RFX3: variants seen among roughly 807,000 people sequenced by gnomAD.
RFX3 encodes the protein transcription factor RFX3.
A neutral mutation model predicts 98.6 loss-of-function variants in RFX3; 14 were observed. That is an observed-to-expected ratio of 0.14 (90% CI 0.09 to 0.22). The LOEUF (loss-of-function observed/expected upper bound fraction) is 0.22, where lower values mean the gene tolerates loss of function less well. Among genes scored for constraint, RFX3 ranks in the 10% least tolerant of loss-of-function variants. RFX3 has a pLI of 1.00. For missense variants in RFX3, 639 were observed against 926.9 expected (o/e 0.69, Z 4.03); for synonymous variants, 383 against 328.4 (o/e 1.17, Z -1.80).
intron 3 of RFX3, among the ~76,000 whole-genome samples, chr9:3,336,201 G>GT (rs2130972551): frequency 6.6e-6 from 1 of 151,960 alleles, no homozygotes; most frequent in East Asian, 1.9e-4. Context: ...TCTCACATGG[G>GT]TACAACATTT....
intron 1 of RFX3, among the ~76,000 whole-genome samples, chr9:3,405,707 C>A (rs1841897018): frequency 6.6e-6 from 1 of 152,110 alleles, no homozygotes; most frequent in Non-Finnish European, 1.5e-5. Context: ...ATTACTGAGT[C>A]TGCTTCCTAA....
chr9:3,423,522 C>T (rs1212374075), intron 1 of RFX3, among the ~76,000 whole-genome samples: 1 of 151,826 alleles, frequency 6.6e-6, no homozygotes, highest in Non-Finnish European at 1.5e-5. Context: ...CAAAAGAAAC[C>T]AGACACAAGA....
chr9:3,434,998 T>C (rs552402786), intron 1 of RFX3, among the ~76,000 whole-genome samples: 1 of 151,944 alleles, frequency 6.6e-6, no homozygotes, highest in South Asian at 2.1e-4. Context: ...AGTACTTACA[T>C]ATCTAAACAT....
chr9:3,414,962 A>G (rs1388745969), intron 1 of RFX3, among the ~76,000 whole-genome samples: 1 of 137,556 alleles, frequency 7.3e-6, no homozygotes, highest in Admixed American at 7.6e-5. Context: ...GTGTGTGTAT[A>G]TATTCATATA....
intron 2 of RFX3, among the ~76,000 whole-genome samples, chr9:3,391,717 C>T (rs909072501): frequency 2.0e-5 from 3 of 152,104 alleles, no homozygotes; most frequent in African/African-American, 7.2e-5. Context: ...GCTAGTGACA[C>T]TGATTTTCCA....
chr9:3,267,450 G>T (rs1823792551), intron 11 of RFX3, among the ~76,000 whole-genome samples: 1 of 151,804 alleles, frequency 6.6e-6, no homozygotes. Context: ...GTTAAAACCA[G>T]GTTTTATAAA....
intron 2 of RFX3, among the ~76,000 whole-genome samples, chr9:3,364,065 G>A (rs1021828782): frequency 2.6e-5 from 4 of 152,096 alleles, no homozygotes; most frequent in Non-Finnish European, 4.4e-5. Context: ...TAGTAGAGAC[G>A]GGGTTTCACC....
chr9:3,461,979 T>C (rs1405647637), intron 1 of RFX3, among the ~76,000 whole-genome samples: 1 of 152,052 alleles, frequency 6.6e-6, no homozygotes, highest in East Asian at 1.9e-4. Flanking sequence ...AATAAGTTGT[T>C]TGAGTGCCAC....
At chr9:3,510,116 T>G (rs1425855478) in intron 1 of RFX3, among the ~76,000 whole-genome samples, 4 of 152,050 alleles carry the variant, frequency 2.6e-5, no homozygotes, top group Non-Finnish European at 5.9e-5. Context: ...TGTAGTCCCA[T>G]GGCTGTCTCT....
At chr9:3,276,525 C>A (rs2131409607) in intron 8 of RFX3, among the ~76,000 whole-genome samples, 1 of 152,160 alleles carries the variant, frequency 6.6e-6, no homozygotes, top group Middle Eastern at 3.4e-3. Flanking sequence ...AAATAAAATT[C>A]TTGTTGAATG....
intron 1 of RFX3, among the ~76,000 whole-genome samples, chr9:3,449,914 A>AAATT (rs1342079309): frequency 6.6e-6 from 1 of 152,012 alleles, no homozygotes; most frequent in Non-Finnish European, 1.5e-5. Context: ...AAGACACAGA[A>AAATT]AATTAAAATA....
At chr9:3,249,136 A>G (rs931955397) in intron 14 of RFX3, among the ~76,000 whole-genome samples, 1 of 152,150 alleles carries the variant, frequency 6.6e-6, no homozygotes, top group Non-Finnish European at 1.5e-5. Flanking sequence ...TTGTATTCTC[A>G]GGAGAAAGAG....
At chr9:3,475,002 G>A (rs1380661461) in intron 1 of RFX3, among the ~76,000 whole-genome samples, 2 of 151,844 alleles carry the variant, frequency 1.3e-5, no homozygotes, top group Non-Finnish European at 2.9e-5. Flanking sequence ...GGGAGGCTGA[G>A]GCAGGAAGAT....
chr9:3,269,837 T>A (rs1297047235), intron 11 of RFX3, among the ~76,000 whole-genome samples: 1 of 152,096 alleles, frequency 6.6e-6, no homozygotes, highest in East Asian at 1.9e-4. Flanking sequence ...TATAATGGAA[T>A]TCAACTTCAG....
chr9:3,454,654 A>C (rs1846985597), intron 1 of RFX3, among the ~76,000 whole-genome samples: 1 of 152,246 alleles, frequency 6.6e-6, no homozygotes, highest in African/African-American at 2.4e-5. Context: ...CATCTATTCC[A>C]ACTAGTTAAG....
chr9:3,487,324 T>C (rs971598667), intron 1 of RFX3, among the ~76,000 whole-genome samples: 2 of 152,232 alleles, frequency 1.3e-5, no homozygotes, highest in Non-Finnish European at 2.9e-5. Flanking sequence ...AGACATGCTA[T>C]GTTTAATATG....
intron 2 of RFX3, among the ~76,000 whole-genome samples, chr9:3,391,985 A>G (rs1203185747): frequency 6.6e-6 from 1 of 152,130 alleles, no homozygotes; most frequent in South Asian, 2.1e-4. Flanking sequence ...TCTTTCCCCA[A>G]CTCAGCTCCC....
chr9:3,502,087 TAAA>T (rs750822802), intron 1 of RFX3, among the ~76,000 whole-genome samples: 2 of 138,992 alleles, frequency 1.4e-5, no homozygotes, highest in African/African-American at 2.6e-5. Context: ...CCGTCTCCAC[TAAA>T]AAAAAAAAAA....
chr9:3,230,411 T>A (rs1046973295), intron 15 of RFX3, among the ~76,000 whole-genome samples: 1 of 152,206 alleles, frequency 6.6e-6, no homozygotes, highest in African/African-American at 2.4e-5. Context: ...TGTACCAACC[T>A]AATACATCCC....
Sources: allele counts gnomAD v4.1 joint callset (sites outside exome capture counted in the v4.1 genomes callset), GRCh38; gene constraint gnomAD v4.1.1; transcripts MANE v1.5; gene names NCBI Gene and HGNC (gene_info 2026-07-23, HGNC 2026-07-21).